Variants in EXOC4 observed in about 807,000 individuals in gnomAD.
EXOC4 encodes exocyst complex component 4.
A neutral mutation model predicts 107.2 loss-of-function variants in EXOC4; 71 were observed. The ratio of observed to expected loss-of-function variants is 0.66; its 90% CI spans 0.55 to 0.81. The LOEUF (loss-of-function observed/expected upper bound fraction) is 0.81. Ranked by LOEUF, EXOC4 falls within the 30% of genes least tolerant of loss-of-function variation. The pLI is 0.00. For synonymous variants in EXOC4, 456 were observed against 441.2 expected, an observed-to-expected ratio of 1.03 and a Z score of -0.42; for missense variants, 1,108 against 1,189.6, an observed-to-expected ratio of 0.93 and a Z score of 1.01.
chr7:133,635,508 G>T (rs1323591827), intron 10 of EXOC4, among the ~76,000 whole-genome samples: 1 of 152,282 alleles, frequency 6.6e-6, no homozygotes, highest in African/African-American at 2.4e-5. Context: ...CTAAATGCTT[G>T]CACCTAACCA....
chr7:133,326,691 G>T (rs1331421656), intron 5 of EXOC4, among the ~76,000 whole-genome samples: 1 of 152,336 alleles, frequency 6.6e-6, no homozygotes, highest in East Asian at 1.9e-4. Flanking sequence ...TCCGTTCTCA[G>T]ATCTCAAATT....
chr7:133,857,871 G>T (rs528069501), intron 11 of EXOC4, among the ~76,000 whole-genome samples: 15 of 152,198 alleles, frequency 9.9e-5, no homozygotes, highest in African/African-American at 2.2e-4. Flanking sequence ...GATCGGGCGT[G>T]GGGGGAGGCA....
chr7:133,841,008 G>C (rs1329464321), intron 11 of EXOC4, among the ~76,000 whole-genome samples: 2 of 152,144 alleles, frequency 1.3e-5, no homozygotes, highest in Admixed American at 1.3e-4. Context: ...CCACAAAATG[G>C]GTAGCTCATA....
intron 10 of EXOC4, among the ~76,000 whole-genome samples, chr7:133,802,186 G>T (rs1053819602): frequency 6.6e-6 from 1 of 152,206 alleles, no homozygotes; most frequent in African/African-American, 2.4e-5. Flanking sequence ...GATACAGTCT[G>T]AAAGCTTGAG....
chr7:133,693,919 T>C (rs1218264771), intron 10 of EXOC4, among the ~76,000 whole-genome samples: 2 of 151,962 alleles, frequency 1.3e-5, no homozygotes, highest in Non-Finnish European at 2.9e-5. Flanking sequence ...GAAGAGATAA[T>C]GCTTACCAGG....
At chr7:133,788,813 C>G (rs1397533645) in intron 10 of EXOC4, among the ~76,000 whole-genome samples, 2 of 152,046 alleles carry the variant, frequency 1.3e-5, no homozygotes, top group Non-Finnish European at 2.9e-5. Flanking sequence ...TTCTTTTATA[C>G]CCTACATGCA....
At chr7:133,373,972 C>CA in intron 6 of EXOC4, among the ~76,000 whole-genome samples, 1 of 151,956 alleles carries the variant, frequency 6.6e-6, no homozygotes, top group Admixed American at 6.6e-5. Flanking sequence ...TAAAAGCAGA[C>CA]AAAAGAGTAT....
At chr7:133,816,399 A>G (rs995679361) in intron 10 of EXOC4, among the ~76,000 whole-genome samples, 2 of 152,196 alleles carry the variant, frequency 1.3e-5, no homozygotes, top group Non-Finnish European at 2.9e-5. Context: ...AGACTTGACA[A>G]TCATTAACAT....
At chr7:133,631,151 C>G (rs1185687016) in intron 10 of EXOC4, among the ~76,000 whole-genome samples, 1 of 151,990 alleles carries the variant, frequency 6.6e-6, no homozygotes, top group Non-Finnish European at 1.5e-5. Context: ...CTGTAAAGAA[C>G]CAGAGTATAT....
intron 7 of EXOC4, among the ~76,000 whole-genome samples, chr7:133,466,764 A>G (rs900007389): frequency 6.6e-6 from 1 of 152,204 alleles, no homozygotes; most frequent in African/African-American, 2.4e-5. Context: ...ATAATGTTGA[A>G]CAAAATATTA....
chr7:134,007,831 G>T lies in EXOC4; in HGVS notation c.2683G>T (p.Ala895Ser). 6.2e-7 allele frequency: 1 copy of T among 1,611,666 alleles called. No individual in the cohort carries two copies. Among genetic ancestry groups the T allele is most frequent in the Non-Finnish European group, 8.5e-7 (1 of 1,178,786 alleles). The change falls in exon 17 of 18, where the codon GCA becomes TCA. Residue 895 changes from alanine (A) to serine (S), a missense_variant. Transcript: ENST00000253861. ...GTCGCGGGAGGCAGACCTGGACTTT[G>T]CAAGGTAGGAGGGAAAACTGGGTTT... The part of the protein sequence containing the change: ...TMSREADLDF[A>S]RQYYEMLYNT...
At chr7:133,934,375 AGG>A (rs1800250077) in intron 13 of EXOC4, among the ~76,000 whole-genome samples, 1 of 152,194 alleles carries the variant, frequency 6.6e-6, no homozygotes, top group Non-Finnish European at 1.5e-5. Flanking sequence ...TCAGGTTGTT[AGG>A]GGGTGATTAT....
chr7:133,871,506 A>G (rs981179258), intron 11 of EXOC4, among the ~76,000 whole-genome samples: 1 of 152,066 alleles, frequency 6.6e-6, no homozygotes, highest in African/African-American at 2.4e-5. Flanking sequence ...CCAACCTTAC[A>G]CGTTTTCCCC....
At position 133,536,551 on chromosome 7, in the gene EXOC4, GTTTC is replaced by G. The variant is rs368048301; in HGVS notation, c.1417+56424_1417+56427del. On this transcript the variant is annotated intron_variant, in intron 9 of 17. Coordinates refer to ENST00000253861, the MANE Select transcript of EXOC4 (RefSeq NM_021807.4). ...CCCGTTACCTATTTTATCTGTTCTT[GTTTC>G]TTTCTTTCTTGTCAGTCCATTTTAA... Among the ~76,000 whole-genome samples, 64 of 151,312 alleles carry G rather than the reference GTTTC, an allele frequency of 4.2e-4. 1 individual carries two copies. In the East Asian group the frequency reaches 0.011, roughly 27 times the overall value.
intron 11 of EXOC4, among the ~76,000 whole-genome samples, chr7:133,824,903 C>G (rs1172116977): frequency 1.3e-5 from 2 of 152,164 alleles, no homozygotes; most frequent in Admixed American, 6.5e-5. Flanking sequence ...TTAATTACAT[C>G]TAAAAAGATT....
chr7:133,605,582 G>T (rs1337847068), intron 9 of EXOC4, among the ~76,000 whole-genome samples: 1 of 152,184 alleles, frequency 6.6e-6, no homozygotes, highest in Admixed American at 6.5e-5. Context: ...TCAGTACTTT[G>T]TTTTTCCTGA....
intron 14 of EXOC4, among the ~76,000 whole-genome samples, chr7:133,970,775 G>A (rs1443627708): frequency 6.6e-6 from 1 of 151,786 alleles, no homozygotes; most frequent in African/African-American, 2.4e-5. Flanking sequence ...CTACCAACCC[G>A]AGCTGTTCCT....
intron 14 of EXOC4, among the ~76,000 whole-genome samples, chr7:133,988,101 A>C (rs1189871834): frequency 6.6e-6 from 1 of 152,184 alleles, no homozygotes; most frequent in African/African-American, 2.4e-5. Context: ...TTTTTATGTC[A>C]ATCGTAAAGA....
At chr7:133,562,775 TATAAA>T (rs1405895184) in intron 9 of EXOC4, among the ~76,000 whole-genome samples, 1 of 152,198 alleles carries the variant, frequency 6.6e-6, no homozygotes, top group African/African-American at 2.4e-5. Flanking sequence ...ACTTACAAAA[TATAAA>T]ATAAAAGGAT....
Sources: allele counts gnomAD v4.1 joint callset (sites outside exome capture counted in the v4.1 genomes callset), GRCh38; gene constraint gnomAD v4.1.1; transcripts MANE v1.5; gene names NCBI Gene and HGNC (gene_info 2026-07-23, HGNC 2026-07-21).